The following DLG2 variants were observed in gnomAD, a reference collection of about 807,000 sequenced individuals.
DLG2 encodes disks large homolog 2.
DLG2 carries 45 observed loss-of-function variants against 132.5 expected under a neutral mutation model. That is an observed-to-expected ratio of 0.34 (90% confidence interval 0.27 to 0.44). DLG2 has a LOEUF of 0.44. Among genes scored for constraint, DLG2 ranks in the 20% least tolerant of loss-of-function variants. The pLI, the probability that DLG2 is intolerant of heterozygous loss-of-function variation, is 1.00. For missense variants in DLG2, 1,045 were observed against 1,196.9 expected (o/e 0.87, Z 1.87); for synonymous variants, 424 against 419.6 (o/e 1.01, Z -0.13).
chr11:84,973,955 A>C (rs2054490771), intron 6 of DLG2, among the ~76,000 whole-genome samples: 2 of 152,232 alleles, frequency 1.3e-5, no homozygotes, highest in African/African-American at 2.4e-5. Context: ...GATTTATAGA[A>C]GTTCAGCAAG....
chr11:84,448,269 G>A (rs547126822), intron 7 of DLG2, among the ~76,000 whole-genome samples: 1 of 152,096 alleles, frequency 6.6e-6, no homozygotes, highest in African/African-American at 2.4e-5. Context: ...GCTAGTTTTG[G>A]AAGCAATAGT....
chr11:85,380,306 T>C (rs1434670333), intron 3 of DLG2, among the ~76,000 whole-genome samples: 1 of 152,254 alleles, frequency 6.6e-6, no homozygotes, highest in Non-Finnish European at 1.5e-5. Context: ...ATACGTTCCA[T>C]ATCATTTTAT....
chr11:85,472,901 G>A (rs1218895932), intron 3 of DLG2, among the ~76,000 whole-genome samples: 1 of 152,214 alleles, frequency 6.6e-6, no homozygotes, highest in Non-Finnish European at 1.5e-5. Context: ...TGTGCTGCTG[G>A]AAGCAAGAAG....
intron 3 of DLG2, among the ~76,000 whole-genome samples, chr11:85,323,556 T>C (rs960509827): frequency 2.0e-5 from 3 of 152,210 alleles, no homozygotes; most frequent in Non-Finnish European, 1.5e-5. Context: ...AAATTATTGT[T>C]AGCTATTCTC....
At chr11:83,799,303 A>G (rs1277011963) in intron 17 of DLG2, among the ~76,000 whole-genome samples, 1 of 152,222 alleles carries the variant, frequency 6.6e-6, no homozygotes, top group African/African-American at 2.4e-5. Flanking sequence ...ATAAGTGGCT[A>G]TGGAAGGGTT....
At chr11:83,723,208 C>A (rs972247782) in intron 18 of DLG2, among the ~76,000 whole-genome samples, 1 of 151,900 alleles carries the variant, frequency 6.6e-6, no homozygotes. Flanking sequence ...TGATGAAACC[C>A]CATCTCTACT....
intron 6 of DLG2, among the ~76,000 whole-genome samples, chr11:84,842,999 C>T (rs767477026): frequency 7.2e-5 from 11 of 151,872 alleles, no homozygotes; most frequent in Non-Finnish European, 1.6e-4. Context: ...ACAAAGAATA[C>T]TGTTCAATGG....
intron 3 of DLG2, among the ~76,000 whole-genome samples, chr11:85,577,572 G>A (rs144325368): frequency 5.8e-4 from 88 of 152,142 alleles, no homozygotes; most frequent in African/African-American, 2.1e-3. Flanking sequence ...CAACCAAGTG[G>A]AAGATGCTAA....
At chr11:84,245,167 C>T (rs1055106117) in intron 8 of DLG2, among the ~76,000 whole-genome samples, 1 of 152,166 alleles carries the variant, frequency 6.6e-6, no homozygotes, top group Non-Finnish European at 1.5e-5. Flanking sequence ...TCAATTGTGT[C>T]TCTATGTCAC....
intron 19 of DLG2, among the ~76,000 whole-genome samples, chr11:83,560,476 G>A (rs373785324): frequency 1.3e-4 from 19 of 148,326 alleles, no homozygotes; most frequent in African/African-American, 4.5e-4. Context: ...AGAGTTGAGA[G>A]TCAAAGCTAG....
chr11:84,134,856 G>A (rs1429733886), intron 9 of DLG2, among the ~76,000 whole-genome samples: 1 of 151,846 alleles, frequency 6.6e-6, no homozygotes, highest in African/African-American at 2.4e-5. Context: ...TTCTGATGGT[G>A]CCTGAAGTCC....
intron 14 of DLG2, among the ~76,000 whole-genome samples, chr11:83,940,960 G>A (rs763414392): frequency 2.6e-5 from 4 of 152,144 alleles, no homozygotes; most frequent in African/African-American, 4.8e-5. Context: ...TAGGCCATCC[G>A]GTTTATACAT....
chr11:84,218,054 G>C (rs2096859392), intron 8 of DLG2, among the ~76,000 whole-genome samples: 1 of 152,084 alleles, frequency 6.6e-6, no homozygotes, highest in African/African-American at 2.4e-5. Flanking sequence ...TGTAATCCCA[G>C]CCATTTGGGA....
chr11:85,151,513 T>C (rs1228520844), intron 5 of DLG2, among the ~76,000 whole-genome samples: 3 of 152,208 alleles, frequency 2.0e-5, no homozygotes, highest in Non-Finnish European at 4.4e-5. Context: ...GTAGGCATTA[T>C]AGAGTTTAAA....
chr11:83,956,294 C>T (rs987749957), intron 14 of DLG2, among the ~76,000 whole-genome samples: 9 of 152,292 alleles, frequency 5.9e-5, no homozygotes, highest in African/African-American at 2.2e-4. Flanking sequence ...CCAGACCTTG[C>T]CACCACCAGA....
chr11:84,017,671 T>C (rs12290953), intron 11 of DLG2, among the ~76,000 whole-genome samples: 91,409 of 151,866 alleles, frequency 0.6, 28,049 homozygotes, highest in Middle Eastern at 0.73. Flanking sequence ...TTTTAGAAAG[T>C]AGCTCATTAT....
chr11:84,196,833 G>C (rs1313751415), intron 8 of DLG2, among the ~76,000 whole-genome samples: 1 of 151,830 alleles, frequency 6.6e-6, no homozygotes, highest in African/African-American at 2.4e-5. Flanking sequence ...TTGAAGTCAG[G>C]AGTTTAGATC....
intron 19 of DLG2, chr11:83,631,420 T>C (rs953211300): frequency 6.6e-6 from 1 of 152,090 alleles, no homozygotes; most frequent in Non-Finnish European, 1.5e-5. Context: ...TTGGGGACTT[T>C]CTTATGAAAT....
chr11:84,927,269 G>A (rs1291479365), intron 6 of DLG2, among the ~76,000 whole-genome samples: 1 of 151,968 alleles, frequency 6.6e-6, no homozygotes, highest in Non-Finnish European at 1.5e-5. Flanking sequence ...AAAATAAGGA[G>A]ATTGGACTAT....
Sources: gnomAD v4.1 joint callset for allele counts (sites outside exome capture counted in the v4.1 genomes callset) on GRCh38, gnomAD v4.1.1 for gene constraint, MANE v1.5 for transcripts, NCBI Gene and HGNC (gene_info 2026-07-23, HGNC 2026-07-21) for gene names.